The following NECAB1 variants were observed in gnomAD, a reference collection of about 807,000 sequenced individuals.
NECAB1 encodes the protein N-terminal EF-hand calcium binding protein 1.
NECAB1 carries 29 observed loss-of-function variants against 57.5 expected under a neutral mutation model. The ratio of observed to expected loss-of-function variants is 0.50; its 90% CI spans 0.38 to 0.69. The LOEUF is 0.69. Ranked by LOEUF, NECAB1 falls within the 30% of genes least tolerant of loss-of-function variation. The pLI, the probability that NECAB1 is intolerant of heterozygous loss-of-function variation, is 0.00. For missense variants in NECAB1, 372 were observed against 413.8 expected (o/e 0.90, Z 0.88); for synonymous variants, 142 against 147.7 (o/e 0.96, Z 0.28).
chr8:90,958,036 G>A lies in NECAB1; in HGVS notation c.*2524G>A, dbSNP rs146196281. Reference sequence around the variant, plus strand: ...GATCTAAGAAATAGAATTAGGGAGAGTTTACACTTACTTACCTATATATCA... The same window carrying A: ...GATCTAAGAAATAGAATTAGGGAGAATTTACACTTACTTACCTATATATCA... On this transcript the variant is annotated 3_prime_UTR_variant, in exon 13 of 13. Coordinates refer to ENST00000417640, the MANE Select transcript of NECAB1 (RefSeq NM_022351.5). 6.8e-6 allele frequency: 1 copy of A among 147,438 alleles called. No individual in the cohort carries two copies. Among genetic ancestry groups the A allele is most frequent in the Non-Finnish European group, 1.5e-5 (1 of 66,758 alleles). The allele number at this position is 147,438 out of a possible 1,614,324, so 9.1% of individuals were successfully genotyped here.
chr8:90,868,113 T>G (rs748552749), intron 3 of NECAB1, among the ~76,000 whole-genome samples: 1 of 152,190 alleles, frequency 6.6e-6, no homozygotes, highest in African/African-American at 2.4e-5. Context: ...ATATAAGATG[T>G]GTTTGCTTCC....
At chr8:90,889,208 C>T (rs1028014799) in intron 5 of NECAB1, among the ~76,000 whole-genome samples, 1 of 152,106 alleles carries the variant, frequency 6.6e-6, no homozygotes, top group Non-Finnish European at 1.5e-5. Context: ...CAGGTACAAT[C>T]CTAAGTACTT....
chr8:90,928,103 A>T, intron 7 of NECAB1, 120 bp from the exon 8 acceptor site: 1 of 734,588 alleles, frequency 1.4e-6, no homozygotes, highest in Non-Finnish European at 2.3e-6. Flanking sequence ...TTTTAAAAAA[A>T]TGACCAGTCA....
rs370380896 is a variant in NECAB1 at position 90,820,743 on chromosome 8, G to T, written c.125-3974G>T. Among the ~76,000 whole-genome samples, 4 of 149,930 alleles carry T rather than the reference G, an allele frequency of 2.7e-5. No individual in the cohort carries two copies. The East Asian group carries it at 7.8e-4, about 29-fold the overall frequency. On this transcript the variant is annotated intron_variant, in intron 2 of 12. Transcript: ENST00000417640. ...ACAAACCTGATTACCTAAAAAAAAA[G>T]TCTGTCATTAAACATACCTTAAATA...
chr8:90,948,658 G>T (rs1433938271), intron 10 of NECAB1, among the ~76,000 whole-genome samples: 1 of 151,980 alleles, frequency 6.6e-6, no homozygotes, highest in Non-Finnish European at 1.5e-5. Flanking sequence ...CTGTATTTTT[G>T]TAATTCAGTT....
At chr8:90,879,193 C>CT (rs769144549) in intron 4 of NECAB1, among the ~76,000 whole-genome samples, 5,013 of 124,060 alleles carry the variant, frequency 0.04, 391 homozygotes, top group African/African-American at 0.14. Flanking sequence ...TTTTCACTTT[C>CT]TTTTTTTTTT....
chr8:90,933,740 AC>A (rs1810465371), intron 8 of NECAB1, among the ~76,000 whole-genome samples: 1 of 151,944 alleles, frequency 6.6e-6, no homozygotes, highest in Non-Finnish European at 1.5e-5. Context: ...AAAAAAAAAA[AC>A]TTTTTTTTAA....
At chr8:90,931,828 C>T (rs1810413309) in intron 8 of NECAB1, among the ~76,000 whole-genome samples, 2 of 152,058 alleles carry the variant, frequency 1.3e-5, no homozygotes, top group Non-Finnish European at 2.9e-5. Flanking sequence ...CGCTTGAACC[C>T]CGGAGGGAGA....
intron 2 of NECAB1, among the ~76,000 whole-genome samples, chr8:90,822,907 C>T (rs1239598568): frequency 1.3e-5 from 2 of 149,392 alleles, no homozygotes; most frequent in African/African-American, 4.9e-5. Flanking sequence ...CTTTCTTTTT[C>T]GCTCTTTAAC....
rs1285837562 is a variant in NECAB1 at position 90,906,893 on chromosome 8, A to ATATATATATATATGTATATATATATG, written c.358-10586_358-10585insGTATATATATATGTATATATATATAT. Among the ~76,000 whole-genome samples the ATATATATATATATGTATATATATATG allele has an allele frequency of 1.2e-3, 171 of 137,524 alleles. 4 individuals carry two copies. The highest frequency in any genetic ancestry group is 4.4e-3 in the African/African-American group (156 of 35,192). The allele number at this position is 137,524 out of a possible 152,430, so 90.2% of individuals were successfully genotyped here. On this transcript the variant is annotated intron_variant, in intron 5 of 12. Transcript: ENST00000417640. ...GATATACACATATATATATATATAT[A>ATATATATATATATGTATATATATATG]TATATATATATATATATCTTCTCAC...
intron 2 of NECAB1, among the ~76,000 whole-genome samples, chr8:90,806,891 G>A (rs1016375550): frequency 6.6e-6 from 1 of 152,142 alleles, no homozygotes; most frequent in African/African-American, 2.4e-5. Context: ...AGCAAATGAA[G>A]CTCAGAGATG....
At chr8:90,856,832 C>T (rs1812804039) in intron 3 of NECAB1, among the ~76,000 whole-genome samples, 1 of 152,160 alleles carries the variant, frequency 6.6e-6, no homozygotes, top group Non-Finnish European at 1.5e-5. Flanking sequence ...AGTAAAACTG[C>T]CTCCTAAAGA....
chr8:90,947,406 CT>C (rs11350840), intron 10 of NECAB1, among the ~76,000 whole-genome samples: 54,773 of 98,718 alleles, frequency 0.55, 15,796 homozygotes, highest in East Asian at 0.8. Context: ...TTTTTTTTTT[CT>C]TTTTTTTTTT....
At chr8:90,918,774 G>C (rs928733649) in intron 6 of NECAB1, among the ~76,000 whole-genome samples, 1 of 152,100 alleles carries the variant, frequency 6.6e-6, no homozygotes, top group Non-Finnish European at 1.5e-5. Context: ...TCTGGTCACT[G>C]ATTGGACAGT....
intron 12 of NECAB1, among the ~76,000 whole-genome samples, chr8:90,953,915 A>G (rs1485986881): frequency 1.3e-5 from 2 of 151,924 alleles, no homozygotes; most frequent in African/African-American, 2.4e-5. Context: ...AAAAAATACA[A>G]AAAATTAGCC....
At chr8:90,855,532 G>A (rs968836395) in intron 3 of NECAB1, among the ~76,000 whole-genome samples, 1 of 152,230 alleles carries the variant, frequency 6.6e-6, no homozygotes, top group Non-Finnish European at 1.5e-5. Context: ...GGTTGCTTAT[G>A]AAGCAATAGC....
At chr8:90,829,216 T>C (rs1812267822) in intron 3 of NECAB1, among the ~76,000 whole-genome samples, 3 of 152,022 alleles carry the variant, frequency 2.0e-5, no homozygotes, top group Admixed American at 2.0e-4. Context: ...AAACTAAATC[T>C]ATAGCTTGGT....
At chr8:90,823,289 G>A (rs1388210347) in intron 2 of NECAB1, among the ~76,000 whole-genome samples, 1 of 151,694 alleles carries the variant, frequency 6.6e-6, no homozygotes, top group Non-Finnish European at 1.5e-5. Flanking sequence ...AAAATTAACT[G>A]GAAAATTAGA....
intron 10 of NECAB1, among the ~76,000 whole-genome samples, chr8:90,947,351 C>CACAG (rs1342952213): frequency 0.026 from 3,259 of 125,190 alleles, 107 homozygotes; most frequent in East Asian, 0.058. Context: ...CACACACACA[C>CACAG]AATAAGCCAA....
Sources: allele counts gnomAD v4.1 joint callset (sites outside exome capture counted in the v4.1 genomes callset), GRCh38; gene constraint gnomAD v4.1.1; transcripts MANE v1.5; gene names NCBI Gene and HGNC (gene_info 2026-07-23, HGNC 2026-07-21).